The following CSMD3 variants were observed in gnomAD, a reference collection of about 807,000 sequenced individuals.
CSMD3 encodes the protein CUB and sushi domain-containing protein 3.
In CSMD3, 177 loss-of-function variants were observed where a neutral mutation model predicts 435.2. That is an observed-to-expected ratio of 0.41 (90% CI 0.36 to 0.46). The LOEUF is 0.46. CSMD3 is among the 20% of genes least tolerant of loss of function. The probability of loss-of-function intolerance (pLI) is 0.34; values close to 1 mark genes in which losing one functional copy is unlikely to be tolerated. For synonymous variants in CSMD3, 1,656 were observed against 1,520.5 expected (o/e 1.09, Z -2.07); for missense variants, 4,265 against 4,504.6 (o/e 0.95, Z 1.52).
chr8:112,935,254 C>G (rs1465851434), intron 9 of CSMD3, among the ~76,000 whole-genome samples: 2 of 151,928 alleles, frequency 1.3e-5, no homozygotes, highest in South Asian at 2.1e-4. Context: ...CCATTGGTCT[C>G]TCCTTGTTTT....
intron 1 of CSMD3, among the ~76,000 whole-genome samples, chr8:113,375,634 G>T (rs1320015071): frequency 1.3e-5 from 2 of 152,076 alleles, no homozygotes; most frequent in Non-Finnish European, 2.9e-5. Flanking sequence ...AGCTAAGAGG[G>T]ACCGTTGAAA....
intron 1 of CSMD3, among the ~76,000 whole-genome samples, chr8:113,355,794 T>TA (rs67377262): frequency 2.4e-5 from 3 of 122,708 alleles, no homozygotes; most frequent in South Asian, 2.8e-4. Flanking sequence ...TGTGTGTGTG[T>TA]TTGTCAACTA....
At chr8:112,588,685 C>T (rs983778542) in intron 22 of CSMD3, among the ~76,000 whole-genome samples, 3 of 151,976 alleles carry the variant, frequency 2.0e-5, no homozygotes, top group Non-Finnish European at 2.9e-5. Context: ...AAAATTAAAT[C>T]GCCTTTGGCA....
At chr8:112,710,159 A>T (rs1025664917) in intron 13 of CSMD3, among the ~76,000 whole-genome samples, 7 of 152,114 alleles carry the variant, frequency 4.6e-5, no homozygotes, top group African/African-American at 1.7e-4. Flanking sequence ...TTTTCTTCAG[A>T]TAAAGCCAAT....
chr8:112,891,384 G>A (rs1263440216), intron 10 of CSMD3, among the ~76,000 whole-genome samples: 1 of 151,604 alleles, frequency 6.6e-6, no homozygotes, highest in Non-Finnish European at 1.5e-5. Context: ...CAAGATTATT[G>A]ATAGGAAATA....
intron 3 of CSMD3, among the ~76,000 whole-genome samples, chr8:113,209,452 C>T (rs146244824): frequency 6.6e-6 from 1 of 152,160 alleles, no homozygotes; most frequent in Non-Finnish European, 1.5e-5. Context: ...TTGCTAGTGC[C>T]GTGCTAAAGA....
intron 27 of CSMD3, among the ~76,000 whole-genome samples, chr8:112,542,225 G>T (rs890544126): frequency 7.7e-5 from 11 of 142,684 alleles, no homozygotes; most frequent in African/African-American, 2.3e-4. Context: ...AAAAAACTGA[G>T]AACTTTTCCT....
chr8:113,432,111 A>T (rs1478675), intron 1 of CSMD3, among the ~76,000 whole-genome samples: 1 of 151,920 alleles, frequency 6.6e-6, no homozygotes, highest in South Asian at 2.1e-4. Flanking sequence ...CTGCTCACAT[A>T]CTCTTCCAAT....
chr8:112,630,889 G>T (rs1042308571), intron 22 of CSMD3, among the ~76,000 whole-genome samples: 1 of 144,560 alleles, frequency 6.9e-6, no homozygotes, highest in African/African-American at 2.5e-5. Flanking sequence ...TTGAGTATAC[G>T]GATAGATTTT....
At chr8:112,608,814 G>T (rs1411176592) in intron 22 of CSMD3, among the ~76,000 whole-genome samples, 1 of 151,762 alleles carries the variant, frequency 6.6e-6, no homozygotes, top group Non-Finnish European at 1.5e-5. Flanking sequence ...ATATGAAACT[G>T]GCTCTTTATC....
Position 112,545,437 on chromosome 8 carries a change from C to T in CSMD3, c.4564+5234G>A, listed in dbSNP as rs573443219. ...GGTGTAGGTTGCAGTGACCCAAGAT[C>T]GTGCCACTGCACTCCAGCCTGGGCG... is the stretch of plus-strand genomic sequence containing the variant. On this transcript the variant is annotated intron_variant, in intron 27 of 70. Transcript: ENST00000297405. Among the ~76,000 whole-genome samples, 42 of 132,432 alleles carry T rather than the reference C, an allele frequency of 3.2e-4. 1 individual carries two copies. In the South Asian group the frequency reaches 8.5e-3, roughly 27 times the overall value. 86.9% of individuals were successfully genotyped at this position (132,432 alleles called of 152,430 possible). A position where few individuals can be genotyped will look rare whatever the true frequency, so the allele number is the denominator to read the frequency against.
At chr8:113,316,506 C>T (rs1007657496) in intron 1 of CSMD3, among the ~76,000 whole-genome samples, 3 of 150,972 alleles carry the variant, frequency 2.0e-5, no homozygotes, top group Non-Finnish European at 2.9e-5. Context: ...ACAATAGCAC[C>T]TTGTTTTTGC....
Position 112,672,398 on chromosome 8 carries a change from T to G in CSMD3, c.2678-5983A>C, listed in dbSNP as rs138342991. On this transcript the variant is annotated intron_variant, in intron 16 of 70. Coordinates refer to ENST00000297405, the MANE Select transcript of CSMD3 (RefSeq NM_198123.2). ...GCAGTTATTATTGCTTTCAAAGACTTTCAAACGTTAGTGGCCATCTACTGA... is the reference window on the plus strand; with the variant it reads ...GCAGTTATTATTGCTTTCAAAGACTGTCAAACGTTAGTGGCCATCTACTGA... Among the ~76,000 whole-genome samples, 541 of 152,176 alleles carry G rather than the reference T, an allele frequency of 3.6e-3. 4 individuals carry two copies. The highest frequency in any genetic ancestry group is 6.6e-3 in the Non-Finnish European group (450 of 67,970).
chr8:112,399,646 CT>C (rs1253930839), intron 35 of CSMD3, among the ~76,000 whole-genome samples: 1 of 152,124 alleles, frequency 6.6e-6, no homozygotes, highest in Non-Finnish European at 1.5e-5. Context: ...TAGATATTTT[CT>C]CAGCCAAATA....
intron 13 of CSMD3, among the ~76,000 whole-genome samples, chr8:112,762,967 T>C (rs1046089961): frequency 6.6e-6 from 1 of 151,662 alleles, no homozygotes; most frequent in Non-Finnish European, 1.5e-5. Context: ...TAGAACTAAT[T>C]AGTTCAAGCG....
intron 45 of CSMD3, among the ~76,000 whole-genome samples, chr8:112,330,992 C>T (rs1492673): frequency 0.43 from 65,656 of 151,564 alleles, 14,805 homozygotes; most frequent in Middle Eastern, 0.53. Flanking sequence ...GTAGGTTATC[C>T]GGTTTTTTAC....
At chr8:112,987,583 T>C (rs1180869826) in intron 6 of CSMD3, among the ~76,000 whole-genome samples, 1 of 152,124 alleles carries the variant, frequency 6.6e-6, no homozygotes, top group Non-Finnish European at 1.5e-5. Context: ...CACATAGCTA[T>C]AACTGGCACA....
intron 24 of CSMD3, among the ~76,000 whole-genome samples, chr8:112,566,476 T>C (rs1350835516): frequency 1.3e-5 from 2 of 152,110 alleles, no homozygotes. Context: ...TACTCCACCT[T>C]GCCCCTAATG....
chr8:112,395,776 A>G (rs1830807230), intron 35 of CSMD3, among the ~76,000 whole-genome samples: 2 of 152,314 alleles, frequency 1.3e-5, no homozygotes, highest in South Asian at 4.1e-4. Context: ...CTGGGGGTTT[A>G]GGAGACTGCA....
Sources: allele counts gnomAD v4.1 joint callset (sites outside exome capture counted in the v4.1 genomes callset), GRCh38; gene constraint gnomAD v4.1.1; transcripts MANE v1.5; gene names NCBI Gene and HGNC (gene_info 2026-07-23, HGNC 2026-07-21).